The following AK9 variants were observed in gnomAD, a reference collection of about 807,000 sequenced individuals.
AK9 encodes adenylate kinase domain containing 1.
Under a neutral mutation model 239.6 loss-of-function variants are expected in AK9, and 191 were observed. That is an observed-to-expected ratio of 0.80 (90% CI 0.71 to 0.90). AK9 has a LOEUF of 0.90. AK9 is among the 40% of genes least tolerant of loss of function. The probability of loss-of-function intolerance (pLI) is 0.00; values close to 1 mark genes in which losing one functional copy is unlikely to be tolerated. For missense variants in AK9, 1,995 were observed against 2,214.7 expected (o/e 0.90, Z 1.99); for synonymous variants, 689 against 721.0 (o/e 0.96, Z 0.71).
intron 12 of AK9, among the ~76,000 whole-genome samples, chr6:109,625,542 C>G (rs1171618844): frequency 6.6e-6 from 1 of 152,178 alleles, no homozygotes; most frequent in Non-Finnish European, 1.5e-5. Context: ...AGAGCAGTGG[C>G]AGCATTAGAT....
At chr6:109,566,067 G>T (rs1216013527) in intron 21 of AK9, among the ~76,000 whole-genome samples, 1 of 152,040 alleles carries the variant, frequency 6.6e-6, no homozygotes, top group Non-Finnish European at 1.5e-5. Context: ...CTTAATCAAA[G>T]ACTGCAATAG....
intron 24 of AK9, among the ~76,000 whole-genome samples, chr6:109,556,971 A>AGTTT (rs1357136603): frequency 6.6e-6 from 1 of 151,956 alleles, no homozygotes; most frequent in African/African-American, 2.4e-5. Context: ...CTATCTTCTG[A>AGTTT]ATCCTACCTC....
At chr6:109,603,544 G>A (rs1792385673) in intron 17 of AK9, among the ~76,000 whole-genome samples, 1 of 152,180 alleles carries the variant, frequency 6.6e-6, no homozygotes, top group Non-Finnish European at 1.5e-5. Flanking sequence ...GAGGCAGTCT[G>A]TCCGTTCTGA....
At chr6:109,566,827 C>T (rs1035623656) in intron 21 of AK9, among the ~76,000 whole-genome samples, 1 of 152,148 alleles carries the variant, frequency 6.6e-6, no homozygotes, top group Non-Finnish European at 1.5e-5. Context: ...TCCTGAATGA[C>T]TACTGGGTAC....
intron 12 of AK9, among the ~76,000 whole-genome samples, chr6:109,626,129 C>T (rs984383256): frequency 4.6e-5 from 7 of 152,002 alleles, no homozygotes; most frequent in Non-Finnish European, 7.4e-5. Flanking sequence ...TTCAGTAAAA[C>T]GTTCAGTTTG....
chr6:109,626,412 AG>A lies in AK9; in HGVS notation c.1254+6510del, dbSNP rs1795535545. Among the ~76,000 whole-genome samples, 6 of 152,248 alleles carry A rather than the reference AG, an allele frequency of 3.9e-5. No homozygotes were observed. The South Asian group carries it at 1.2e-3, about 32-fold the overall frequency. ...TGGACATTGTGGATGATACATTATT[AG>A]GGACTTTGAATTCTGTTATCTTCCT... On this transcript the variant is annotated intron_variant, in intron 12 of 40. Coordinates refer to ENST00000424296, the MANE Select transcript of AK9 (RefSeq NM_001145128.3).
At chr6:109,549,108 C>T (rs1286733710) in intron 25 of AK9, among the ~76,000 whole-genome samples, 2 of 152,220 alleles carry the variant, frequency 1.3e-5, no homozygotes, top group Non-Finnish European at 2.9e-5. Context: ...AAGTGTCCCT[C>T]TCCACTATAA....
At chr6:109,619,275 T>G in intron 12 of AK9, 39 bp from the exon 13 acceptor site, 2 of 1,519,944 alleles carry the variant, frequency 1.3e-6, no homozygotes, top group Non-Finnish European at 8.8e-7. Flanking sequence ...TAAGCAGGAG[T>G]TATTGTGACT....
intron 18 of AK9, 132 bp from the exon 19 acceptor site, chr6:109,585,369 T>C (rs753045628): frequency 5.8e-5 from 18 of 312,494 alleles, no homozygotes; most frequent in Non-Finnish European, 8.2e-5. Context: ...TGTATCTAAA[T>C]AGAGCCCAGA....
chr6:109,562,714 G>C (rs1785932795), intron 24 of AK9, among the ~76,000 whole-genome samples: 2 of 151,546 alleles, frequency 1.3e-5, no homozygotes, highest in Non-Finnish European at 2.9e-5. Flanking sequence ...CTAGGCTCTT[G>C]TTAGTACCCT....
rs746212465 is a variant in AK9 at position 109,632,922 on chromosome 6, C to A, written c.1254+1G>T. The A allele has an allele frequency of 1.2e-6, 2 of 1,610,510 alleles. No homozygotes were observed. The highest frequency in any genetic ancestry group is 1.7e-6 in the Non-Finnish European group (2 of 1,178,306). On this transcript the variant is annotated splice_donor_variant, in intron 12 of 40. Coordinates refer to ENST00000424296, the MANE Select transcript of AK9 (RefSeq NM_001145128.3). LOFTEE classifies it high-confidence loss of function. ...AGATAGACAGATAGTTAGTTAGTCA[C>A]CTTTCCTTTGTAATTTTCTGCAAGC...
At chr6:109,668,425 A>G (rs1326239681) in intron 5 of AK9, among the ~76,000 whole-genome samples, 4 of 150,910 alleles carry the variant, frequency 2.7e-5, no homozygotes, top group East Asian at 4.0e-4. Context: ...GTCAATTTTG[A>G]CTTTTGTTGC....
chr6:109,663,503 T>C (rs564374284), intron 5 of AK9, among the ~76,000 whole-genome samples: 16 of 152,346 alleles, frequency 1.1e-4, no homozygotes, highest in African/African-American at 2.2e-4. Flanking sequence ...CCAGTTATAA[T>C]ATTCAAGTGA....
chr6:109,563,718 G>A lies in AK9; in HGVS notation c.2636-6C>T. 1 of 1,544,634 alleles carries A rather than the reference G, an allele frequency of 6.5e-7. No homozygotes were observed. The highest frequency in any genetic ancestry group is 2.0e-5 in the Admixed American group (1 of 49,942). ...TGCAGTATATTGAAATGGTTCTGGA[G>A]AAAAAGAGAATCATTGGGGAAAATA... On this transcript the variant is annotated splice_polypyrimidine_tract_variant and splice_region_variant and intron_variant, in intron 23 of 40. Coordinates refer to ENST00000424296, the MANE Select transcript of AK9 (RefSeq NM_001145128.3).
intron 29 of AK9, among the ~76,000 whole-genome samples, chr6:109,526,313 AAAAAT>A (rs1488003983): frequency 2.0e-5 from 3 of 152,142 alleles, no homozygotes; most frequent in Non-Finnish European, 4.4e-5. Flanking sequence ...AAAATAAAAT[AAAAAT>A]TTTACACACT....
At chr6:109,508,506 G>A (rs983612130) in intron 33 of AK9, among the ~76,000 whole-genome samples, 2 of 152,122 alleles carry the variant, frequency 1.3e-5, no homozygotes, top group African/African-American at 2.4e-5. Flanking sequence ...AAATGAACTC[G>A]AGAACTGTTC....
intron 29 of AK9, chr6:109,527,955 A>AT (rs1190925268): frequency 6.6e-6 from 1 of 152,232 alleles, no homozygotes; most frequent in African/African-American, 2.4e-5. Context: ...AAATGTATTA[A>AT]TTTTTCCCAT....
intron 5 of AK9, among the ~76,000 whole-genome samples, chr6:109,669,951 G>C (rs1040701349): frequency 1.3e-5 from 2 of 152,152 alleles, no homozygotes; most frequent in African/African-American, 4.8e-5. Context: ...GTGGCCCCCA[G>C]ACTCAGGAAA....
intron 19 of AK9, among the ~76,000 whole-genome samples, chr6:109,582,964 G>C (rs935766150): frequency 6.6e-6 from 1 of 152,048 alleles, no homozygotes; most frequent in Non-Finnish European, 1.5e-5. Flanking sequence ...ACTCACTAAA[G>C]GCTCAGATGA....
Sources: gnomAD v4.1 joint callset for allele counts (sites outside exome capture counted in the v4.1 genomes callset) on GRCh38, gnomAD v4.1.1 for gene constraint, MANE v1.5 for transcripts, NCBI Gene and HGNC (gene_info 2026-07-23, HGNC 2026-07-21) for gene names.